ZBTB20: variants seen among roughly 807,000 people sequenced by gnomAD.
ZBTB20 encodes the protein zinc finger and BTB domain containing 20.
Under a neutral mutation model 56.9 loss-of-function variants are expected in ZBTB20, and 9 were observed. The observed-to-expected ratio is 0.16, with a 90% CI of 0.10 to 0.28. The LOEUF is 0.28. ZBTB20 is among the 10% of genes least tolerant of loss of function. The probability of loss-of-function intolerance (pLI) is 1.00; values close to 1 mark genes in which losing one functional copy is unlikely to be tolerated. For synonymous variants in ZBTB20, 417 were observed against 420.7 expected (o/e 0.99, Z 0.11); for missense variants, 655 against 1,003.0 (o/e 0.65, Z 4.69).
intron 2 of ZBTB20, among the ~76,000 whole-genome samples, chr3:115,001,105 A>G (rs1482488297): frequency 6.7e-6 from 1 of 150,322 alleles, no homozygotes; most frequent in Non-Finnish European, 1.5e-5. Context: ...AAAAAAAAAC[A>G]AATTTCTCAC....
At chr3:114,563,823 T>C (rs2052390217) in intron 6 of ZBTB20, among the ~76,000 whole-genome samples, 1 of 152,196 alleles carries the variant, frequency 6.6e-6, no homozygotes, top group Non-Finnish European at 1.5e-5. Context: ...AGGCTTATTA[T>C]TTTTCCTATA....
At chr3:114,831,883 T>C (rs1212159473) in intron 4 of ZBTB20, among the ~76,000 whole-genome samples, 2 of 152,078 alleles carry the variant, frequency 1.3e-5, no homozygotes, top group African/African-American at 4.8e-5. Context: ...GATATGTTTT[T>C]ATTCTAGGAT....
intron 6 of ZBTB20, among the ~76,000 whole-genome samples, chr3:114,660,511 T>C (rs1007783902): frequency 6.6e-6 from 1 of 152,180 alleles, no homozygotes; most frequent in Non-Finnish European, 1.5e-5. Flanking sequence ...CTTTTATTTT[T>C]AGGGATTTTT....
chr3:114,543,220 A>G (rs2049324435), intron 6 of ZBTB20, among the ~76,000 whole-genome samples: 1 of 152,092 alleles, frequency 6.6e-6, no homozygotes, highest in Admixed American at 6.6e-5. Flanking sequence ...TGGTTGTTAT[A>G]GGGTATTTTT....
At chr3:114,441,449 T>C (rs926611610) in intron 7 of ZBTB20, among the ~76,000 whole-genome samples, 2 of 152,158 alleles carry the variant, frequency 1.3e-5, no homozygotes. Context: ...TGATTTCTCC[T>C]GAAGGAAACT....
chr3:115,068,239 G>A (rs1238291750), intron 2 of ZBTB20, among the ~76,000 whole-genome samples: 4 of 151,678 alleles, frequency 2.6e-5, no homozygotes, highest in African/African-American at 7.3e-5. Flanking sequence ...TAAAGGCTGC[G>A]ATTTTCTGGG....
intron 4 of ZBTB20, among the ~76,000 whole-genome samples, chr3:114,834,646 C>T (rs891165550): frequency 6.6e-6 from 1 of 152,058 alleles, no homozygotes; most frequent in South Asian, 2.1e-4. Flanking sequence ...CCAATCCTTG[C>T]ACCTTTCCAC....
intron 7 of ZBTB20, among the ~76,000 whole-genome samples, chr3:114,416,378 A>G (rs2088565414): frequency 6.6e-6 from 1 of 151,892 alleles, no homozygotes; most frequent in Non-Finnish European, 1.5e-5. Flanking sequence ...AACCTGGAAG[A>G]TAAAGAATCA....
At chr3:114,658,000 T>C (rs922398920) in intron 6 of ZBTB20, among the ~76,000 whole-genome samples, 6 of 152,152 alleles carry the variant, frequency 3.9e-5, no homozygotes, top group Non-Finnish European at 7.3e-5. Flanking sequence ...TCAAAGTGTC[T>C]ATAGGGCTTC....
intron 3 of ZBTB20, among the ~76,000 whole-genome samples, chr3:114,920,113 A>T (rs2075901319): frequency 6.6e-6 from 1 of 152,206 alleles, no homozygotes; most frequent in Non-Finnish European, 1.5e-5. Flanking sequence ...ACATTAGAGA[A>T]TCTAAATATA....
chr3:114,548,719 A>G (rs1189115014), intron 6 of ZBTB20, among the ~76,000 whole-genome samples: 1 of 152,004 alleles, frequency 6.6e-6, no homozygotes, highest in African/African-American at 2.4e-5. Flanking sequence ...GGGTTTCGCC[A>G]TATTGGCCAG....
intron 7 of ZBTB20, among the ~76,000 whole-genome samples, chr3:114,395,642 C>T (rs2086269117): frequency 6.6e-6 from 1 of 152,270 alleles, no homozygotes; most frequent in Non-Finnish European, 1.5e-5. Context: ...AAAGACATCA[C>T]GGCCAGATAA....
intron 6 of ZBTB20, among the ~76,000 whole-genome samples, chr3:114,655,544 G>A (rs1304389329): frequency 1.3e-5 from 2 of 152,102 alleles, no homozygotes; most frequent in Admixed American, 6.5e-5. Context: ...GAGCCACCGC[G>A]CCCGGCCTTC....
intron 2 of ZBTB20, among the ~76,000 whole-genome samples, chr3:114,991,198 C>T (rs574622691): frequency 1.3e-5 from 2 of 151,982 alleles, no homozygotes; most frequent in Admixed American, 6.6e-5. Context: ...TTGTGATGTT[C>T]GGGTGTCAAT....
chr3:114,446,032 G>A (rs1453542318), intron 7 of ZBTB20, among the ~76,000 whole-genome samples: 1 of 151,938 alleles, frequency 6.6e-6, no homozygotes, highest in East Asian at 1.9e-4. Context: ...ATTCCTTAAC[G>A]TTTGTTCTTT....
intron 2 of ZBTB20, among the ~76,000 whole-genome samples, chr3:115,053,273 T>C (rs1332628763): frequency 6.6e-6 from 1 of 152,242 alleles, no homozygotes; most frequent in Admixed American, 6.5e-5. Flanking sequence ...TTTCTTATCC[T>C]TCATCGTTGG....
rs937678231 is a variant in ZBTB20, at chr3:114,626,165, G to A, written c.-295+67363C>T. On this transcript the variant is annotated intron_variant, in intron 6 of 11. Coordinates refer to ENST00000675478, the MANE Select transcript of ZBTB20 (RefSeq NM_001348800.3). The stretch of plus-strand genomic sequence containing the variant: ...GAGGACCCACCACATATTCCTAAAT[G>A]TTGTCCCTCAGAGATGCACAGATGT... 5.9e-5 allele frequency among the ~76,000 whole-genome samples: 9 copies of A among 152,294 alleles called. 1 individual carries two copies. Among genetic ancestry groups the A allele is most frequent in the African/African-American group, 2.2e-4 (9 of 41,574 alleles).
intron 11 of ZBTB20, among the ~76,000 whole-genome samples, chr3:114,349,678 C>A (rs932974477): frequency 6.6e-6 from 1 of 152,170 alleles, no homozygotes; most frequent in Admixed American, 6.5e-5. Flanking sequence ...ACTATACAAA[C>A]TGAATGTCTC....
chr3:114,543,002 A>G (rs1474222719), intron 6 of ZBTB20, among the ~76,000 whole-genome samples: 1 of 152,160 alleles, frequency 6.6e-6, no homozygotes, highest in Non-Finnish European at 1.5e-5. Context: ...TCATACACAT[A>G]TAATATCCAG....
Sources: gnomAD v4.1 joint callset for allele counts (sites outside exome capture counted in the v4.1 genomes callset) on GRCh38, gnomAD v4.1.1 for gene constraint, MANE v1.5 for transcripts, NCBI Gene and HGNC (gene_info 2026-07-23, HGNC 2026-07-21) for gene names.